VAT1L: variants seen among roughly 807,000 people sequenced by gnomAD.
VAT1L encodes vesicle amine transport 1 like.
VAT1L carries 34 observed loss-of-function variants against 44.1 expected under a neutral mutation model. The ratio of observed to expected loss-of-function variants is 0.77; its 90% CI spans 0.59 to 1.03. The LOEUF (loss-of-function observed/expected upper bound fraction) is 1.03. VAT1L is among the 50% of genes least tolerant of loss of function. VAT1L has a pLI of 0.00. For synonymous variants in VAT1L, 253 were observed against 202.2 expected, an observed-to-expected ratio of 1.25 and a Z score of -2.13; for missense variants, 615 against 538.8, an observed-to-expected ratio of 1.14 and a Z score of -1.40.
chr16:77,866,985 A>C (rs768746936), intron 4 of VAT1L, among the ~76,000 whole-genome samples: 1 of 152,242 alleles, frequency 6.6e-6, no homozygotes, highest in South Asian at 2.1e-4. Flanking sequence ...GAGAATCCAC[A>C]CAAGGGAATC....
intron 7 of VAT1L, among the ~76,000 whole-genome samples, chr16:77,931,882 A>G (rs1406962345): frequency 6.6e-6 from 1 of 152,114 alleles, no homozygotes; most frequent in Non-Finnish European, 1.5e-5. Context: ...TTGACTTGCT[A>G]TTTTTTATAG....
At chr16:77,839,660 G>A (rs901412032) in intron 3 of VAT1L, among the ~76,000 whole-genome samples, 1 of 150,054 alleles carries the variant, frequency 6.7e-6, no homozygotes, top group Non-Finnish European at 1.5e-5. Flanking sequence ...ATGACAGTAA[G>A]TGATTGGGTG....
intron 2 of VAT1L, among the ~76,000 whole-genome samples, chr16:77,824,176 G>A (rs2016491887): frequency 6.6e-6 from 1 of 152,210 alleles, no homozygotes; most frequent in Non-Finnish European, 1.5e-5. Flanking sequence ...GGTGGTTTCA[G>A]AAGAATGAAG....
At chr16:77,832,873 C>G (rs796980849) in intron 3 of VAT1L, among the ~76,000 whole-genome samples, 3 of 152,294 alleles carry the variant, frequency 2.0e-5, no homozygotes, top group African/African-American at 7.2e-5. Context: ...CAGCATGGAG[C>G]AAGTGACGAT....
At chr16:77,906,828 C>A (rs1395462062) in intron 7 of VAT1L, among the ~76,000 whole-genome samples, 1 of 152,194 alleles carries the variant, frequency 6.6e-6, no homozygotes, top group Non-Finnish European at 1.5e-5. Flanking sequence ...CAAGGAACTG[C>A]CATCTTCCAC....
chr16:77,897,366 C>G (rs2017335112), intron 7 of VAT1L, among the ~76,000 whole-genome samples: 1 of 152,152 alleles, frequency 6.6e-6, no homozygotes, highest in African/African-American at 2.4e-5. Flanking sequence ...ATGTGGTGAA[C>G]TCTTGTACAC....
chr16:77,822,951 C>T (rs1455656283), intron 2 of VAT1L, among the ~76,000 whole-genome samples: 1 of 152,116 alleles, frequency 6.6e-6, no homozygotes, highest in African/African-American at 2.4e-5. Context: ...TCACTTAGAA[C>T]ATTGTTGATG....
At chr16:77,885,636 GT>G (rs148362861) in intron 7 of VAT1L, among the ~76,000 whole-genome samples, 144 of 149,176 alleles carry the variant, frequency 9.7e-4, no homozygotes, top group African/African-American at 2.7e-3. Flanking sequence ...ATGTGGGAAT[GT>G]TTTTTTTTTC....
intron 2 of VAT1L, 42 bp downstream of exon 2, chr16:77,817,092 A>G: frequency 6.3e-7 from 1 of 1,593,554 alleles, no homozygotes. Context: ...TTCATTTGGA[A>G]TCCATTGAGA....
chr16:77,822,997 T>C (rs181180274), intron 2 of VAT1L, among the ~76,000 whole-genome samples: 1 of 152,248 alleles, frequency 6.6e-6, no homozygotes, highest in Admixed American at 6.5e-5. Context: ...GAACTCCTCA[T>C]TACCCAGGTC....
chr16:77,845,242 G>C (rs1421513562), intron 3 of VAT1L, among the ~76,000 whole-genome samples: 1 of 152,098 alleles, frequency 6.6e-6, no homozygotes, highest in Non-Finnish European at 1.5e-5. Flanking sequence ...TTGTTTCCTG[G>C]TTTGCAATTT....
intron 7 of VAT1L, among the ~76,000 whole-genome samples, chr16:77,911,372 C>G (rs568331035): frequency 6.6e-6 from 1 of 152,152 alleles, no homozygotes; most frequent in South Asian, 2.1e-4. Flanking sequence ...ACCTTCTCAT[C>G]CTGTGGCATA....
chr16:77,839,535 CAAAAAAAAAAAAAAAAAAAAAA>C (rs71137846), intron 3 of VAT1L, among the ~76,000 whole-genome samples: 1 of 49,086 alleles, frequency 2.0e-5, no homozygotes, highest in Non-Finnish European at 3.3e-5. Context: ...TACTCCATAT[CAAAAAAAAAAAAAAAAAAAAAA>C]AAAAAAAAAA....
intron 7 of VAT1L, among the ~76,000 whole-genome samples, chr16:77,903,734 CTTTTTTTTTTT>C (rs552342074): frequency 1.6e-5 from 2 of 124,364 alleles, no homozygotes; most frequent in African/African-American, 6.1e-5. Context: ...TCTCTCATTA[CTTTTTTTTTTT>C]TTTTTTTTTG....
chr16:77,842,643 G>A (rs891833382), intron 3 of VAT1L, among the ~76,000 whole-genome samples: 2 of 152,190 alleles, frequency 1.3e-5, no homozygotes, highest in African/African-American at 2.4e-5. Flanking sequence ...GGGGTAGGTA[G>A]TGATAAGTGA....
At chr16:77,812,657 T>C (rs1051028214) in intron 1 of VAT1L, among the ~76,000 whole-genome samples, 15 of 152,234 alleles carry the variant, frequency 9.9e-5, no homozygotes, top group African/African-American at 3.6e-4. Flanking sequence ...TGGTAAACCA[T>C]GCTGTACTCT....
chr16:77,919,495 A>G (rs543056629), intron 7 of VAT1L, among the ~76,000 whole-genome samples: 6 of 152,316 alleles, frequency 3.9e-5, no homozygotes, highest in Non-Finnish European at 8.8e-5. Context: ...TCCCTGCTTA[A>G]GAGAGCTGGG....
rs149880165 is a variant in VAT1L at position 77,883,166 on chromosome 16, A to G, written c.883-1442A>G. Among the ~76,000 whole-genome samples the G allele has an allele frequency of 3.5e-3, 531 of 152,346 alleles. 3 individuals are homozygous for G. The highest frequency in any genetic ancestry group is 0.012 in the African/African-American group (483 of 41,572). On this transcript the variant is annotated intron_variant, in intron 6 of 8. Coordinates refer to ENST00000302536, the MANE Select transcript of VAT1L (RefSeq NM_020927.3). ...CAGGATATAAATGAGCTCAATGATA[A>G]CATAAAGGCTATCAATGTTTCTAAA...
intron 7 of VAT1L, among the ~76,000 whole-genome samples, chr16:77,942,858 C>A (rs1024129131): frequency 5.3e-5 from 8 of 151,834 alleles, no homozygotes; most frequent in Admixed American, 1.3e-4. Context: ...GATTATCTCA[C>A]CTCAGCCTCC....
Sources: allele counts gnomAD v4.1 joint callset (sites outside exome capture counted in the v4.1 genomes callset), GRCh38; gene constraint gnomAD v4.1.1; transcripts MANE v1.5; gene names NCBI Gene and HGNC (gene_info 2026-07-23, HGNC 2026-07-21).